The following WRNIP1 variants were observed in gnomAD, a reference collection of about 807,000 sequenced individuals.
WRNIP1 encodes WRN helicase interacting protein 1.
A neutral mutation model predicts 56.1 loss-of-function variants in WRNIP1; 41 were observed. The observed-to-expected ratio is 0.73, with a 90% CI of 0.57 to 0.95. The LOEUF (loss-of-function observed/expected upper bound fraction) is 0.95, where lower values mean the gene tolerates loss of function less well. Ranked by LOEUF, WRNIP1 falls within the 40% of genes least tolerant of loss-of-function variation. The pLI, the probability that WRNIP1 is intolerant of heterozygous loss-of-function variation, is 0.00. For synonymous variants in WRNIP1, 547 were observed against 398.1 expected (o/e 1.37, Z -4.45); for missense variants, 1,170 against 939.4 (o/e 1.25, Z -3.21).
chr6:2,768,014 AG>A (rs1765102094), intron 1 of WRNIP1, among the ~76,000 whole-genome samples: 2 of 152,188 alleles, frequency 1.3e-5, no homozygotes, highest in Admixed American at 1.3e-4. Context: ...CTCATCCTTT[AG>A]TACTAATAAC....
At chr6:2,775,892 T>C (rs971266867) in intron 3 of WRNIP1, among the ~76,000 whole-genome samples, 1 of 152,354 alleles carries the variant, frequency 6.6e-6, no homozygotes, top group East Asian at 1.9e-4. Context: ...TTTATTTCCA[T>C]GTAGGATGTT....
intron 1 of WRNIP1, among the ~76,000 whole-genome samples, chr6:2,767,012 G>A (rs550764964): frequency 1.3e-5 from 2 of 152,228 alleles, no homozygotes; most frequent in African/African-American, 2.4e-5. Context: ...ATATACTCAT[G>A]TATTTACAAA....
At chr6:2,783,085 C>CG (rs397747265) in intron 4 of WRNIP1, among the ~76,000 whole-genome samples, 2 of 151,926 alleles carry the variant, frequency 1.3e-5, no homozygotes, top group Non-Finnish European at 2.9e-5. Context: ...ACTCGTCCCC[C>CG]TCCACTCTTG....
rs1002205223 is a variant in WRNIP1 at position 2,765,976 on chromosome 6, C to T, written c.354C>T (p.Ser118=). 3.6e-6 allele frequency: 5 copies of T among 1,401,198 alleles called. No homozygotes were observed. Among genetic ancestry groups the T allele is most frequent in the Non-Finnish European group, 3.7e-6 (4 of 1,076,206 alleles). 86.8% of individuals were successfully genotyped at this position (1,401,198 alleles called of 1,614,324 possible). The stretch of plus-strand genomic sequence containing the variant: ...GCTACGACGCGCCGCCCACACCCAG[C>T]GGCGCCCGCCTTATCCCCGACTTCC... ...RESYDAPPTP[S]GARLIPDFPV... Residue 118 remains serine, a synonymous_variant, in exon 1 of 7, where the codon AGC becomes AGT. Transcript: ENST00000380773.
rs952771634 is a variant in WRNIP1, at chr6:2,768,723, C to G, written c.855C>G (p.Ser285Arg). The G allele has an allele frequency of 1.9e-6, 3 of 1,612,172 alleles. No homozygotes were observed. In the South Asian group the frequency reaches 3.3e-5, roughly 18 times the overall value. ...TTLAHIIASN[S>R]KKHSIRFVTL... ...TGGCTCACATCATAGCCAGCAACAGCAAGAAACATAGCATAAGGTTTGTGA... is the reference window on the plus strand; with the variant it reads ...TGGCTCACATCATAGCCAGCAACAGGAAGAAACATAGCATAAGGTTTGTGA... Residue 285 changes from serine to arginine, a missense_variant, in exon 2 of 7, where the codon AGC becomes AGG. Transcript: ENST00000380773.
At chr6:2,776,855 C>T (rs1055262652) in intron 3 of WRNIP1, among the ~76,000 whole-genome samples, 3 of 152,184 alleles carry the variant, frequency 2.0e-5, no homozygotes, top group African/African-American at 7.2e-5. Context: ...TACCAAAATA[C>T]TAACGTCAAG....
rs1161707820 is a variant in WRNIP1 at position 2,786,650 on chromosome 6, C to T, written c.*1368C>T. 2 of 151,544 alleles carry T rather than the reference C, an allele frequency of 1.3e-5. No homozygotes were observed. Among genetic ancestry groups the T allele is most frequent in the South Asian group, 2.1e-4 (1 of 4,762 alleles). The allele number at this position is 151,544 out of a possible 1,614,324, so 9.4% of individuals were successfully genotyped here. On this transcript the variant is annotated 3_prime_UTR_variant, in exon 7 of 7. Transcript: ENST00000380773. The stretch of plus-strand genomic sequence containing the variant: ...AAAATGCTTTTATTGTACCTTCAGA[C>T]GTGTCTGAGGGTTTGGCTAGTAATA...
At chr6:2,782,237 C>G (rs767939425) in intron 4 of WRNIP1, among the ~76,000 whole-genome samples, 5 of 152,208 alleles carry the variant, frequency 3.3e-5, no homozygotes, top group Admixed American at 2.6e-4. Context: ...GACACCCTCT[C>G]GGCCAGTGTC....
intron 3 of WRNIP1, chr6:2,774,082 G>A: frequency 1.0e-6 from 1 of 985,380 alleles, no homozygotes; most frequent in East Asian, 1.1e-4. Flanking sequence ...AAAGGTAGTG[G>A]AACTCCAGAA....
chr6:2,779,619 TCAGGTGGATCTG>T, intron 4 of WRNIP1, 127 bp downstream of exon 4: 1 of 977,766 alleles, frequency 1.0e-6, no homozygotes, highest in Non-Finnish European at 1.5e-6. Context: ...CCAGTGATTC[TCAGGTGGATCTG>T]CATGTTGGTA....
At chr6:2,769,542 T>C (rs1392696066) in intron 2 of WRNIP1, among the ~76,000 whole-genome samples, 2 of 152,200 alleles carry the variant, frequency 1.3e-5, no homozygotes, top group African/African-American at 4.8e-5. Flanking sequence ...ATAGAATATT[T>C]CACAAAACTC....
intron 1 of WRNIP1, 146 bp downstream of exon 1, chr6:2,766,590 G>A: frequency 7.3e-7 from 1 of 1,363,844 alleles, no homozygotes; most frequent in Non-Finnish European, 9.5e-7. Flanking sequence ...GGCTGGGGCA[G>A]TGCCTGGTCC....
intron 3 of WRNIP1, among the ~76,000 whole-genome samples, chr6:2,772,438 A>C (rs1765321341): frequency 6.6e-6 from 1 of 152,222 alleles, no homozygotes; most frequent in Non-Finnish European, 1.5e-5. Flanking sequence ...TATCCCCAGC[A>C]CAGTGCCTGG....
intron 4 of WRNIP1, among the ~76,000 whole-genome samples, chr6:2,782,399 C>T (rs1312213635): frequency 1.3e-5 from 2 of 152,260 alleles, no homozygotes; most frequent in Non-Finnish European, 2.9e-5. Context: ...GGTCTTTCCC[C>T]TGTGGGAGGC....
chr6:2,784,970 T>C (rs1222194290), intron 6 of WRNIP1, 37 bp from the exon 7 acceptor site: 1 of 1,608,022 alleles, frequency 6.2e-7, no homozygotes, highest in Non-Finnish European at 8.5e-7. Flanking sequence ...AAGCTTGGCA[T>C]CTTGCTAGTA....
rs1764942256 is a variant in WRNIP1 at position 2,765,989 on chromosome 6, A to G, written c.367A>G (p.Ile123Val). Residue 123 changes from isoleucine to valine, a missense_variant, in exon 1 of 7, where the codon ATC becomes GTC. Ile to Val is a conservative substitution (Grantham distance 29). Coordinates refer to ENST00000380773, the MANE Select transcript of WRNIP1 (RefSeq NM_020135.3). Reference protein sequence around the residue: ...APPTPSGARLIPDFPVARSSS... With the variant: ...APPTPSGARLVPDFPVARSSS... Reference sequence around the variant, plus strand: ...GCCCACACCCAGCGGCGCCCGCCTTATCCCCGACTTCCCGGTGGCCCGCTC... The same window carrying G: ...GCCCACACCCAGCGGCGCCCGCCTTGTCCCCGACTTCCCGGTGGCCCGCTC... The G allele has an allele frequency of 1.4e-6, 2 of 1,390,724 alleles. No individual in the cohort carries two copies. The highest frequency in any genetic ancestry group is 9.3e-7 in the Non-Finnish European group (1 of 1,070,598). 86.1% of individuals were successfully genotyped at this position (1,390,724 alleles called of 1,614,324 possible).
In WRNIP1 at chr6:2,766,412, C is replaced by G. The variant is rs758580088; in HGVS notation, c.790C>G (p.Leu264Val). 3 of 1,600,080 alleles carry G rather than the reference C, an allele frequency of 1.9e-6. No individual in the cohort carries two copies. The highest frequency in any genetic ancestry group is 1.7e-4 in the Middle Eastern group (1 of 6,022). Reference sequence around the variant, plus strand: ...CCTGGAGACCAACGAAATCCCCTCGCTTATCCTGTGGGGGCCGCCGGGCTG... The same window carrying G: ...CCTGGAGACCAACGAAATCCCCTCGGTTATCCTGTGGGGGCCGCCGGGCTG... Reference protein sequence around the residue: ...SLLETNEIPSLILWGPPGCGK... With the variant: ...SLLETNEIPSVILWGPPGCGK... The change falls in exon 1 of 7, where the codon CTT (leucine) becomes GTT (valine). Residue 264 changes from leucine to valine, a missense_variant. By Grantham distance (32) the Leu-to-Val change is conservative. Transcript: ENST00000380773.
chr6:2,766,034 G>A lies in WRNIP1; in HGVS notation c.412G>A (p.Gly138Arg), dbSNP rs1454788554. 6.1e-6 allele frequency: 8 copies of A among 1,305,854 alleles called. No individual in the cohort carries two copies. Among genetic ancestry groups the A allele is most frequent in the South Asian group, 2.2e-5 (1 of 44,970 alleles). The allele number at this position is 1,305,854 out of a possible 1,614,324, so 80.9% of individuals were successfully genotyped here. The change falls in exon 1 of 7, where the codon GGG becomes AGG. Residue 138 changes from glycine (G) to arginine (R), a missense_variant. Coordinates refer to ENST00000380773, the MANE Select transcript of WRNIP1 (RefSeq NM_020135.3). ...VARSSSPGRK[G>R]SGKRPAAAAA... ...CCGCTCCAGCAGCCCCGGGAGGAAG[G>A]GGTCGGGGAAGAGGCCGGCGGCCGC...
intron 6 of WRNIP1, 128 bp from the exon 7 acceptor site, chr6:2,784,879 C>T (rs1765672824): frequency 1.6e-6 from 2 of 1,258,112 alleles, no homozygotes; most frequent in Non-Finnish European, 1.1e-6. Flanking sequence ...ACTGTAGGCG[C>T]AAAAGGGGGA....
Sources: allele counts gnomAD v4.1 joint callset (sites outside exome capture counted in the v4.1 genomes callset), GRCh38; gene constraint gnomAD v4.1.1; transcripts MANE v1.5; gene names NCBI Gene and HGNC (gene_info 2026-07-23, HGNC 2026-07-21).